The following SPTBN2 variants were observed in gnomAD, a reference collection of about 807,000 sequenced individuals.
SPTBN2 encodes spectrin beta, non-erythrocytic 2, also known as spectrin beta chain, non-erythrocytic 2.
Under a neutral mutation model 284.2 loss-of-function variants are expected in SPTBN2, and 107 were observed. The ratio of observed to expected loss-of-function variants is 0.38; its 90% confidence interval spans 0.32 to 0.44. The LOEUF (loss-of-function observed/expected upper bound fraction) is 0.44. Among genes scored for constraint, SPTBN2 ranks in the 20% least tolerant of loss-of-function variants. The pLI is 1.00. For synonymous variants in SPTBN2, 1,289 were observed against 1,354.8 expected (o/e 0.95, Z 1.07); for missense variants, 2,569 against 3,287.1 (o/e 0.78, Z 5.34).
chr11:66,714,272 G>A (rs769181905), intron 6 of SPTBN2, 44 bp downstream of exon 6: 2 of 1,606,506 alleles, frequency 1.2e-6, no homozygotes, highest in South Asian at 2.2e-5. Context: ...GCACAGCCTG[G>A]GGGTCACTGA....
rs752318811 is a variant in SPTBN2 at position 66,687,617 on chromosome 11, G to T, written c.6532C>A (p.Pro2178Thr). ...GPGSGDEANG[P>T]RGERQTRTRG... is the part of the protein sequence containing the mutation. ...GTCCGGGTCTGCCTCTCTCCCCGGGGCCCATTGGCTTCGTCCCCTGAGCCA... is the reference window on the plus strand; with the variant it reads ...GTCCGGGTCTGCCTCTCTCCCCGGGTCCCATTGGCTTCGTCCCCTGAGCCA... Residue 2178 changes from proline to threonine, a missense_variant, in exon 35 of 38, where the codon CCC becomes ACC. By Grantham distance (38) the Pro-to-Thr change is conservative (BLOSUM62 -1). Transcript: ENST00000533211. The surrounding 1 kb of genome is among the most constrained non-coding windows in gnomAD (Gnocchi z 5.2). 1 of 1,604,228 alleles carries T rather than the reference G, an allele frequency of 6.2e-7. No homozygotes were observed. The highest frequency in any genetic ancestry group is 1.3e-5 in the African/African-American group (1 of 74,836).
intron 32 of SPTBN2, 25 bp downstream of exon 32, chr11:66,688,144 C>G (rs753719620): frequency 6.8e-5 from 110 of 1,613,406 alleles, no homozygotes; most frequent in Non-Finnish European, 1.4e-5. Flanking sequence ...GCCGCCTCCT[C>G]CTACCCAGGC....
In SPTBN2 at chr11:66,683,603, G is replaced by A. The variant is rs1213811150; in HGVS notation, c.*2268C>T. 6.6e-6 allele frequency among the ~76,000 whole-genome samples: 1 copy of A among 152,224 alleles called. No individual in the cohort carries two copies. The highest frequency in any genetic ancestry group is 1.5e-5 in the Non-Finnish European group (1 of 68,038). ...AGGAATCATGCCCTGAAGTCCTGCTGCCGCATATGCAGATGCTGCTCGGGG... is the reference window on the plus strand; with the variant it reads ...AGGAATCATGCCCTGAAGTCCTGCTACCGCATATGCAGATGCTGCTCGGGG... On this transcript the variant is annotated 3_prime_UTR_variant, in exon 38 of 38. Coordinates refer to ENST00000533211, the MANE Select transcript of SPTBN2 (RefSeq NM_006946.4).
chr11:66,719,128 A>G (rs1388145940), intron 3 of SPTBN2, among the ~76,000 whole-genome samples: 1 of 152,260 alleles, frequency 6.6e-6, no homozygotes, highest in Non-Finnish European at 1.5e-5. Context: ...CCCAGCTCAG[A>G]AACAGACAAA....
Position 66,692,616 on chromosome 11 carries a change from C to G in SPTBN2, c.5110G>C (p.Asp1704His), listed in dbSNP as rs1334709657. Reference sequence around the variant, plus strand: ...TCCTGGATCCACTGTTCCAGGTCATCCAGCTCGCGGCGGAGCTGGCACAGC... The same window carrying G: ...TCCTGGATCCACTGTTCCAGGTCATGCAGCTCGCGGCGGAGCTGGCACAGC... ...LRLCQLRREL[D>H]DLEQWIQERE... The change falls in exon 26 of 38, where the codon GAT becomes CAT. Residue 1704 changes from aspartate (D) to histidine (H), a missense_variant. By Grantham distance (81) the Asp-to-His change is moderately conservative (BLOSUM62 -1). Coordinates refer to ENST00000533211, the MANE Select transcript of SPTBN2 (RefSeq NM_006946.4). 15 of 1,606,656 alleles carry G rather than the reference C, an allele frequency of 9.3e-6. No individual in the cohort carries two copies. The highest frequency in any genetic ancestry group is 1.7e-5 in the Admixed American group (1 of 60,008).
At chr11:66,738,478 C>T (rs904269082) in intron 1 of SPTBN2, among the ~76,000 whole-genome samples, 8 of 152,142 alleles carry the variant, frequency 5.3e-5, no homozygotes, top group Admixed American at 2.6e-4. Flanking sequence ...GTGGCCTTAA[C>T]GCCAGAACAG....
chr11:66,693,444 G>A lies in SPTBN2; in HGVS notation c.4596C>T (p.Thr1532=). ...SVQLLMKKNQ[T]LQKEIQGHEP... ...CATGGCCCTGAATCTCTTTCTGCAG[G>A]GTCTGCCCATGGCCACAGAAGAGAA... is the stretch of plus-strand genomic sequence containing the variant. The change falls in exon 24 of 38, where the codon ACC becomes ACT. Residue 1532 remains threonine, a splice_region_variant and synonymous_variant. Transcript: ENST00000533211. The surrounding 1 kb of genome is among the most constrained non-coding windows in gnomAD (Gnocchi z 5.7). 1.9e-6 allele frequency: 3 copies of A among 1,598,584 alleles called. No homozygotes were observed. Among genetic ancestry groups the A allele is most frequent in the Non-Finnish European group, 2.5e-6 (3 of 1,179,524 alleles).
At chr11:66,734,014 T>G (rs1242103951), upstream of SPTBN2, among the ~76,000 whole-genome samples, 4 of 151,362 alleles carry the variant, frequency 2.6e-5, no homozygotes, top group Non-Finnish European at 5.9e-5. Flanking sequence ...AAAATTATCC[T>G]ATTGCAAAAT....
At chr11:66,697,150 C>A (rs1940966179) in intron 20 of SPTBN2, among the ~76,000 whole-genome samples, 2 of 152,136 alleles carry the variant, frequency 1.3e-5, no homozygotes, top group African/African-American at 2.4e-5. Context: ...TCCATCTACA[C>A]CCCCGCAGAA....
In SPTBN2 at chr11:66,743,294, A is replaced by G. The variant is rs192084321; in HGVS notation, c.-475+1248T>C. On this transcript the variant is annotated intron_variant, in intron 1 of 37. Transcript: ENST00000611817. ...ACTGAGATGGGGAGGAATGGGGAGG[A>G]GCGCTGAGCATAGACTCGAGAAGGG... is the stretch of plus-strand genomic sequence containing the variant. Among the ~76,000 whole-genome samples the G allele has an allele frequency of 3.8e-3, 573 of 152,286 alleles. 1 individual carries two copies. The highest frequency in any genetic ancestry group is 6.7e-3 in the Non-Finnish European group (459 of 68,006).
intron 1 of SPTBN2, among the ~76,000 whole-genome samples, chr11:66,722,515 G>A (rs1325359211): frequency 4.3e-4 from 61 of 143,190 alleles, no homozygotes; most frequent in Non-Finnish European, 1.5e-4. Context: ...GGCGGAGCTT[G>A]CAGTGAGCCG....
chr11:66,704,578 T>G lies in SPTBN2; in HGVS notation c.2678+20A>C, dbSNP rs748199448. 4 of 1,071,562 alleles carry G rather than the reference T, an allele frequency of 3.7e-6. No individual in the cohort carries two copies. The highest frequency in any genetic ancestry group is 1.9e-5 in the Admixed American group (1 of 52,144). 66.4% of individuals were successfully genotyped at this position (1,071,562 alleles called of 1,614,324 possible). On this transcript the variant is annotated intron_variant, in intron 15 of 37. Transcript: ENST00000533211. ...CCCCACCTCCCAAGGCTGGTCCCAC[T>G]AGGAGCCTGAGGGGCCTACCTCTGC...
In SPTBN2 at chr11:66,708,167, T is replaced by G; in HGVS notation, c.1324A>C (p.Ser442Arg). The G allele has an allele frequency of 6.2e-7, 1 of 1,613,090 alleles. No homozygotes were observed. Among genetic ancestry groups the G allele is most frequent in the African/African-American group, 1.3e-5 (1 of 75,060 alleles). The change falls in exon 12 of 38, where the codon AGC becomes CGC. Residue 442 changes from serine to arginine, a missense_variant. Transcript: ENST00000533211. This position sits in a 1 kb window ranked among gnomAD's most constrained non-coding sequence, Gnocchi z 4.4. ...RKAAMRETWLSENQRLVSQDN... is the reference protein window; with the variant it reads ...RKAAMRETWLRENQRLVSQDN... ...TGGGACACGAGGCGCTGGTTCTCGC[T>G]GAGCCAGGTCTCCCGCATGGCAGCC...
intron 21 of SPTBN2, 31 bp downstream of exon 21, chr11:66,696,246 T>C: frequency 6.2e-7 from 1 of 1,606,592 alleles, no homozygotes; most frequent in Non-Finnish European, 8.5e-7. Context: ...CTTCTGCTGT[T>C]CACCATCCCC....
At chr11:66,730,360 G>C (rs2135601714), upstream of SPTBN2, among the ~76,000 whole-genome samples, 1 of 151,924 alleles carries the variant, frequency 6.6e-6, no homozygotes, top group Non-Finnish European at 1.5e-5. Context: ...GAGGCAGGTG[G>C]ATCGCGAGGT....
rs1942253165 is a variant in SPTBN2, at chr11:66,718,675, CAGGG to C, written c.157+2405_157+2408del. ...GCCCAGAGTCCATGCTCCCCGCTGG[CAGGG>C]GGCCAGTTTCTGTTCCCCAGTGGAA... On this transcript the variant is annotated intron_variant, in intron 3 of 37. Transcript: ENST00000533211. The surrounding 1 kb of genome is among the most constrained non-coding windows in gnomAD (Gnocchi z 4.8). Among the ~76,000 whole-genome samples, 1 of 152,250 alleles carries C rather than the reference CAGGG, an allele frequency of 6.6e-6. No individual in the cohort carries two copies. The highest frequency in any genetic ancestry group is 2.4e-5 in the African/African-American group (1 of 41,462).
chr11:66,721,119 C>T lies in SPTBN2; in HGVS notation c.122G>A (p.Arg41His), dbSNP rs149103293. Residue 41 changes from arginine (R) to histidine (H), a missense_variant, in exon 3 of 38, where the codon CGC (arginine) becomes CAC (histidine). By Grantham distance (29) the Arg-to-His change is conservative. Transcript: ENST00000533211. ...SDWDNDSSSA[R>H]LFERSRIKAL... is the part of the protein sequence containing the mutation. ...CTTAATGCGAGACCTCTCAAAGAGG[C>T]GGGCCGAGCTGCTGTCATTGTCCCA... 1.7e-5 allele frequency: 27 copies of T among 1,614,204 alleles called. No individual in the cohort carries two copies. The highest frequency in any genetic ancestry group is 2.2e-5 in the South Asian group (2 of 91,090).
chr11:66,699,323 C>T (rs1941111617), intron 18 of SPTBN2, 83 bp downstream of exon 18: 1 of 1,553,192 alleles, frequency 6.4e-7, no homozygotes, highest in Admixed American at 1.7e-5. Context: ...TGTGGGTTTC[C>T]TGTGCCACGT....
rs964411287 is a variant in SPTBN2 at position 66,718,813 on chromosome 11, C to T, written c.157+2271G>A. On this transcript the variant is annotated intron_variant, in intron 3 of 37. Transcript: ENST00000533211. This position sits in a 1 kb window ranked among gnomAD's most constrained non-coding sequence, Gnocchi z 4.8. ...ACTCCTGAGACAGAGAGTGGGGGCACGCCTGGCTGCGGTGAGAGGAGACAG... is the reference window on the plus strand; with the variant it reads ...ACTCCTGAGACAGAGAGTGGGGGCATGCCTGGCTGCGGTGAGAGGAGACAG... 6.6e-6 allele frequency among the ~76,000 whole-genome samples: 1 copy of T among 152,316 alleles called. No individual in the cohort carries two copies. The highest frequency in any genetic ancestry group is 6.5e-5 in the Admixed American group (1 of 15,298).
Sources: gnomAD v4.1 joint callset for allele counts (sites outside exome capture counted in the v4.1 genomes callset) on GRCh38, gnomAD v4.1.1 for gene constraint, Gnocchi (gnomAD v3.1) non-coding constraint, MANE v1.5 for transcripts, NCBI Gene and HGNC (gene_info 2026-07-23, HGNC 2026-07-21) for gene names.